Variants in LRRC4C observed in about 807,000 individuals in gnomAD.
LRRC4C encodes the protein leucine rich repeat containing 4C.
LRRC4C carries 5 observed loss-of-function variants against 33.6 expected under a neutral mutation model. The observed-to-expected ratio is 0.15, with a 90% CI of 0.08 to 0.31. The LOEUF is 0.31. Among genes scored for constraint, LRRC4C ranks in the 10% least tolerant of loss-of-function variants. LRRC4C has a pLI of 1.00. For synonymous variants in LRRC4C, 329 were observed against 302.0 expected, an observed-to-expected ratio of 1.09 and a Z score of -0.93; for missense variants, 560 against 796.7, an observed-to-expected ratio of 0.70 and a Z score of 3.58.
intron 4 of LRRC4C, among the ~76,000 whole-genome samples, chr11:40,266,394 G>A (rs375827440): frequency 1.2e-4 from 18 of 152,252 alleles, no homozygotes; most frequent in African/African-American, 3.6e-4. Flanking sequence ...CCAAGACAGG[G>A]AGGTCGAGGC....
At chr11:40,761,176 C>T (rs2137072066) in intron 2 of LRRC4C, among the ~76,000 whole-genome samples, 1 of 152,138 alleles carries the variant, frequency 6.6e-6, no homozygotes, top group Non-Finnish European at 1.5e-5. Flanking sequence ...GATCTAGATT[C>T]CAAGAAACCT....
intron 1 of LRRC4C, among the ~76,000 whole-genome samples, chr11:41,196,448 G>T (rs1253119509): frequency 1.3e-5 from 2 of 152,032 alleles, no homozygotes; most frequent in Non-Finnish European, 2.9e-5. Flanking sequence ...GTGATGATTT[G>T]CAGTTTTCTA....
intron 5 of LRRC4C, among the ~76,000 whole-genome samples, chr11:40,147,994 A>G (rs890936316): frequency 1.3e-5 from 2 of 152,078 alleles, no homozygotes; most frequent in African/African-American, 4.8e-5. Context: ...AACATGCAAT[A>G]TTTGGTTTTC....
intron 3 of LRRC4C, among the ~76,000 whole-genome samples, chr11:40,393,639 C>CA (rs1448009506): frequency 6.6e-6 from 1 of 152,064 alleles, no homozygotes; most frequent in African/African-American, 2.4e-5. Flanking sequence ...TCTCCAGCAA[C>CA]AAAAACAACT....
intron 1 of LRRC4C, among the ~76,000 whole-genome samples, chr11:41,101,150 A>C (rs1941150426): frequency 6.6e-6 from 1 of 152,318 alleles, no homozygotes; most frequent in Non-Finnish European, 1.5e-5. Flanking sequence ...AAAATTGACA[A>C]ATAGGATCTA....
intron 1 of LRRC4C, among the ~76,000 whole-genome samples, chr11:41,056,428 C>T (rs1394257709): frequency 6.6e-6 from 1 of 152,148 alleles, no homozygotes; most frequent in African/African-American, 2.4e-5. Flanking sequence ...CCTAATTAAA[C>T]TAAAGAGCTC....
At chr11:41,151,519 A>C (rs564708093) in intron 1 of LRRC4C, among the ~76,000 whole-genome samples, 3 of 152,344 alleles carry the variant, frequency 2.0e-5, no homozygotes, top group African/African-American at 7.2e-5. Flanking sequence ...ACATGTTTTC[A>C]TACAATTTCA....
At chr11:40,883,754 A>T (rs1165916480) in intron 2 of LRRC4C, among the ~76,000 whole-genome samples, 1 of 152,068 alleles carries the variant, frequency 6.6e-6, no homozygotes, top group Non-Finnish European at 1.5e-5. Context: ...ATGCCAAAAC[A>T]TGTTATAAAC....
At chr11:40,980,863 G>C (rs1288726220) in intron 1 of LRRC4C, among the ~76,000 whole-genome samples, 1 of 152,112 alleles carries the variant, frequency 6.6e-6, no homozygotes, top group Admixed American at 6.5e-5. Flanking sequence ...CCCAGCAAAC[G>C]TTATTAGCAT....
intron 3 of LRRC4C, among the ~76,000 whole-genome samples, chr11:40,439,456 CTTTT>C (rs748189705): frequency 2.9e-5 from 4 of 137,884 alleles, no homozygotes; most frequent in Non-Finnish European, 4.8e-5. Context: ...TCCATTTATT[CTTTT>C]TTTTTTTTTT....
intron 1 of LRRC4C, among the ~76,000 whole-genome samples, chr11:41,197,984 T>C (rs1383473686): frequency 1.3e-5 from 2 of 151,972 alleles, no homozygotes; most frequent in Non-Finnish European, 2.9e-5. Flanking sequence ...ATCACCATCA[T>C]TGTAAACTCA....
At chr11:41,263,791 C>G (rs1178591276) in intron 1 of LRRC4C, among the ~76,000 whole-genome samples, 1 of 151,836 alleles carries the variant, frequency 6.6e-6, no homozygotes, top group African/African-American at 2.4e-5. Flanking sequence ...AGTAGAAACT[C>G]AAAACATATT....
At chr11:41,123,888 T>G (rs1044135532) in intron 1 of LRRC4C, among the ~76,000 whole-genome samples, 9 of 152,324 alleles carry the variant, frequency 5.9e-5, no homozygotes, top group Admixed American at 4.6e-4. Flanking sequence ...TTGCAGTCAC[T>G]TCACACTGTG....
chr11:40,328,959 T>C (rs942594732), intron 3 of LRRC4C, among the ~76,000 whole-genome samples: 7 of 152,218 alleles, frequency 4.6e-5, no homozygotes, highest in Non-Finnish European at 1.0e-4. Context: ...TATATTTTAA[T>C]GATTTTATGA....
chr11:40,491,541 G>C (rs1370609884), intron 3 of LRRC4C, among the ~76,000 whole-genome samples: 4 of 152,074 alleles, frequency 2.6e-5, no homozygotes, highest in Non-Finnish European at 5.9e-5. Flanking sequence ...TAAGTTTCTT[G>C]TGGTTGTAGG....
At chr11:40,327,396 T>C (rs1221766710) in intron 3 of LRRC4C, among the ~76,000 whole-genome samples, 2 of 152,184 alleles carry the variant, frequency 1.3e-5, no homozygotes, top group Non-Finnish European at 1.5e-5. Context: ...TCATTGAGCC[T>C]TACTGTTCCC....
intron 3 of LRRC4C, among the ~76,000 whole-genome samples, chr11:40,511,305 C>T (rs1204950193): frequency 1.3e-5 from 2 of 152,102 alleles, no homozygotes; most frequent in Non-Finnish European, 2.9e-5. Context: ...AGCAACTGAC[C>T]TGTAAAAACT....
intron 2 of LRRC4C, among the ~76,000 whole-genome samples, chr11:40,813,335 C>A (rs1167706050): frequency 6.6e-6 from 1 of 152,120 alleles, no homozygotes; most frequent in Non-Finnish European, 1.5e-5. Context: ...AAAGGAGGAG[C>A]AAAGACATGT....
At chr11:41,382,663 A>T (rs1265804654) in intron 1 of LRRC4C, among the ~76,000 whole-genome samples, 1 of 152,156 alleles carries the variant, frequency 6.6e-6, no homozygotes, top group Non-Finnish European at 1.5e-5. Context: ...ACATGTAAAT[A>T]AAACTAACAA....
Sources: gnomAD v4.1 joint callset for allele counts (sites outside exome capture counted in the v4.1 genomes callset) on GRCh38, gnomAD v4.1.1 for gene constraint, MANE v1.5 for transcripts, NCBI Gene and HGNC (gene_info 2026-07-23, HGNC 2026-07-21) for gene names.